The following DISC1 variants were observed in gnomAD, a reference collection of about 807,000 sequenced individuals.
The protein encoded by DISC1 is disrupted in schizophrenia 1 protein.
DISC1 carries 57 observed loss-of-function variants against 84.5 expected under a neutral mutation model. The ratio of observed to expected loss-of-function variants is 0.67; its 90% CI spans 0.55 to 0.84. The LOEUF (loss-of-function observed/expected upper bound fraction) is 0.84, where lower values mean the gene tolerates loss of function less well. Among genes scored for constraint, DISC1 ranks in the 40% least tolerant of loss-of-function variants. The pLI is 0.00. For missense variants in DISC1, 1,000 were observed against 1,057.8 expected (o/e 0.95, Z 0.76); for synonymous variants, 411 against 415.2 (o/e 0.99, Z 0.12).
chr1:231,833,211 A>T (rs1167546846), intron 9 of DISC1, among the ~76,000 whole-genome samples: 4 of 150,880 alleles, frequency 2.7e-5, no homozygotes, highest in Non-Finnish European at 5.9e-5. Context: ...GGGGACAATT[A>T]AAAAGGAGTG....
chr1:231,721,295 G>GA (rs142458555), intron 3 of DISC1, among the ~76,000 whole-genome samples: 5 of 148,764 alleles, frequency 3.4e-5, no homozygotes, highest in Non-Finnish European at 6.0e-5. Context: ...CTACAGATGA[G>GA]AAAAAAAAAG....
intron 4 of DISC1, chr1:231,750,692 AAGGG>A: frequency 1.3e-5 from 9 of 666,916 alleles, no homozygotes; most frequent in Non-Finnish European, 1.7e-5. Flanking sequence ...TGTGGGAGGC[AAGGG>A]TGGCTCCCAG....
chr1:231,847,150 G>A (rs1384530229), intron 9 of DISC1, among the ~76,000 whole-genome samples: 2 of 152,052 alleles, frequency 1.3e-5, no homozygotes, highest in African/African-American at 2.4e-5. Flanking sequence ...AGCACAAATG[G>A]TCTCTCCCTA....
Position 232,009,646 on chromosome 1 carries a change from T to C in DISC1, c.2307+597T>C. On this transcript the variant is annotated intron_variant, in intron 11 of 12. Coordinates refer to ENST00000439617, the MANE Select transcript of DISC1 (RefSeq NM_018662.3). This position sits in a 1 kb window ranked among gnomAD's most constrained non-coding sequence, Gnocchi z 4.6. ...TATGTATTACAAATTAAAATATGGT[T>C]TTATTTAACTTTCTTTTTCTCTCCC... 1.2e-6 allele frequency: 1 copy of C among 863,056 alleles called. No homozygotes were observed. Among genetic ancestry groups the C allele is most frequent in the Non-Finnish European group, 1.4e-6 (1 of 718,750 alleles). The allele number at this position is 863,056 out of a possible 1,614,324, so 53.5% of individuals were successfully genotyped here. A position where few individuals can be genotyped will look rare whatever the true frequency, so the allele number is the denominator to read the frequency against.
intron 10 of DISC1, among the ~76,000 whole-genome samples, chr1:231,973,196 G>A (rs576246093): frequency 5.3e-5 from 8 of 152,082 alleles, no homozygotes; most frequent in African/African-American, 7.2e-5. Flanking sequence ...ACAGGCGTGC[G>A]CCACCACGCC....
chr1:231,902,693 C>T (rs2088282889), intron 9 of DISC1, among the ~76,000 whole-genome samples: 1 of 152,068 alleles, frequency 6.6e-6, no homozygotes, highest in South Asian at 2.1e-4. Flanking sequence ...TTTTAGAGGG[C>T]AGAAGTCTGA....
chr1:231,818,434 C>A lies in DISC1; in HGVS notation c.1898C>A (p.Ser633Tyr). ...CTCAGCAAGCTGTTGGTGTTGAGTT[C>A]CAGGAATGTCAAAAAGCTGGGAAGT... ...GLLSKLLVLSSRNVKKLGSVK... is the reference protein window; with the variant it reads ...GLLSKLLVLSYRNVKKLGSVK... Residue 633 changes from serine (S) to tyrosine (Y), a missense_variant, in exon 9 of 13, where the codon TCC (serine) becomes TAC (tyrosine). This residue lies in a region of DISC1 where 397 missense variants were observed against 377.5 expected (regional missense o/e 1.05). Coordinates refer to ENST00000439617, the MANE Select transcript of DISC1 (RefSeq NM_018662.3). The A allele has an allele frequency of 6.2e-7, 1 of 1,614,118 alleles. No individual in the cohort carries two copies. The highest frequency in any genetic ancestry group is 8.5e-7 in the Non-Finnish European group (1 of 1,180,012).
At chr1:231,974,530 G>T (rs1178076999) in intron 10 of DISC1, among the ~76,000 whole-genome samples, 1 of 152,190 alleles carries the variant, frequency 6.6e-6, no homozygotes, top group African/African-American at 2.4e-5. Flanking sequence ...TTTTAAGAGA[G>T]AAAGTTGGTT....
intron 9 of DISC1, among the ~76,000 whole-genome samples, chr1:231,876,665 T>C (rs1452857966): frequency 6.6e-6 from 1 of 152,234 alleles, no homozygotes; most frequent in Non-Finnish European, 1.5e-5. Flanking sequence ...CCACACGTTT[T>C]AGCATTCCTG....
chr1:231,652,571 G>A (rs931137617), intron 1 of DISC1, among the ~76,000 whole-genome samples: 19 of 152,184 alleles, frequency 1.2e-4, no homozygotes, highest in East Asian at 1.9e-4. Flanking sequence ...CCTGAAAAAT[G>A]TATGGGAGAA....
chr1:231,831,159 T>C (rs2082194101), intron 9 of DISC1, among the ~76,000 whole-genome samples: 1 of 152,170 alleles, frequency 6.6e-6, no homozygotes, highest in Non-Finnish European at 1.5e-5. Flanking sequence ...TAAAGTCAAT[T>C]TGCCAGTCCT....
chr1:231,770,170 A>G (rs1237038721), intron 5 of DISC1, among the ~76,000 whole-genome samples: 1 of 152,236 alleles, frequency 6.6e-6, no homozygotes, highest in Admixed American at 6.5e-5. Flanking sequence ...ATGATCTACT[A>G]TAACACTGTG....
chr1:231,945,161 T>C (rs1023081884), intron 9 of DISC1: 2 of 152,150 alleles, frequency 1.3e-5, no homozygotes, highest in Non-Finnish European at 2.9e-5. Context: ...CCAAATACAT[T>C]CTTCTCAGCA....
At chr1:231,771,417 A>G in intron 6 of DISC1, 2 of 985,428 alleles carry the variant, frequency 2.0e-6, no homozygotes, top group Non-Finnish European at 2.4e-6. Flanking sequence ...TTTGCTGAGG[A>G]CGATCATCTG....
At chr1:231,804,294 GAA>G (rs2079534221) in intron 8 of DISC1, among the ~76,000 whole-genome samples, 1 of 152,170 alleles carries the variant, frequency 6.6e-6, no homozygotes. Flanking sequence ...TATTGAGACA[GAA>G]GGATTTTGAG....
chr1:231,680,155 G>A (rs1430269354), intron 1 of DISC1, among the ~76,000 whole-genome samples: 1 of 152,154 alleles, frequency 6.6e-6, no homozygotes, highest in African/African-American at 2.4e-5. Flanking sequence ...TTGAACACAG[G>A]GGGCGGAGGC....
At chr1:231,697,393 G>C (rs550936596) in intron 2 of DISC1, among the ~76,000 whole-genome samples, 1 of 152,084 alleles carries the variant, frequency 6.6e-6, no homozygotes, top group Non-Finnish European at 1.5e-5. Flanking sequence ...GCTAAAATTT[G>C]TTGTTAACTC....
intron 8 of DISC1, among the ~76,000 whole-genome samples, chr1:231,809,865 C>T (rs1032009520): frequency 1.3e-5 from 2 of 152,044 alleles, no homozygotes; most frequent in African/African-American, 4.8e-5. Flanking sequence ...AGGAAATATC[C>T]TTTTCTTGCA....
chr1:231,781,402 T>A (rs560110394), intron 6 of DISC1, among the ~76,000 whole-genome samples: 37 of 152,304 alleles, frequency 2.4e-4, no homozygotes, highest in African/African-American at 8.4e-4. Flanking sequence ...TGGAGGCTTG[T>A]GATTTGTAGA....
Sources: gnomAD v4.1 joint callset for allele counts (sites outside exome capture counted in the v4.1 genomes callset) on GRCh38, gnomAD v4.1.1 for gene constraint, gnomAD v4.1.1 regional missense constraint, Gnocchi (gnomAD v3.1) non-coding constraint, MANE v1.5 for transcripts, NCBI Gene and HGNC (gene_info 2026-07-23, HGNC 2026-07-21) for gene names.